HLF: variants seen among roughly 807,000 people sequenced by gnomAD.
HLF encodes hepatic leukemia factor.
In HLF, 3 loss-of-function variants were observed where a neutral mutation model predicts 22.6. The observed-to-expected ratio is 0.13, with a 90% CI of 0.06 to 0.34. The LOEUF is 0.34. HLF is among the 10% of genes least tolerant of loss of function. HLF has a pLI of 1.00. For synonymous variants in HLF, 151 were observed against 151.8 expected, an observed-to-expected ratio of 0.99 and a Z score of 0.04; for missense variants, 299 against 389.2, an observed-to-expected ratio of 0.77 and a Z score of 1.95.
chr17:55,277,496 T>C (rs568337952), intron 2 of HLF, among the ~76,000 whole-genome samples: 1 of 151,984 alleles, frequency 6.6e-6, no homozygotes, highest in South Asian at 2.1e-4. Flanking sequence ...AGTCCTGACC[T>C]TGTATTTGTG....
intron 2 of HLF, among the ~76,000 whole-genome samples, chr17:55,302,398 G>C (rs73314553): frequency 7.2e-5 from 11 of 152,324 alleles, no homozygotes; most frequent in African/African-American, 2.6e-4. Flanking sequence ...ATCTCTTTGA[G>C]AAGCTGCAGA....
intron 3 of HLF, 75 bp downstream of exon 3, chr17:55,315,522 A>T: frequency 3.7e-6 from 4 of 1,095,488 alleles, no homozygotes; most frequent in Non-Finnish European, 5.5e-6. Flanking sequence ...GGGTGACCCC[A>T]GGATGATCCC....
At chr17:55,311,835 T>A (rs1213367544) in intron 2 of HLF, among the ~76,000 whole-genome samples, 1 of 152,196 alleles carries the variant, frequency 6.6e-6, no homozygotes, top group Non-Finnish European at 1.5e-5. Flanking sequence ...TTCCTCCACC[T>A]TTTTAGAGCC....
intron 2 of HLF, chr17:55,273,640 C>G (rs1023203901): frequency 1.3e-5 from 2 of 152,318 alleles, no homozygotes; most frequent in African/African-American, 4.8e-5. Flanking sequence ...TGCCCAGTCC[C>G]CCAGCTCTCG....
intron 2 of HLF, among the ~76,000 whole-genome samples, chr17:55,303,782 C>T (rs1904409462): frequency 6.6e-6 from 1 of 152,114 alleles, no homozygotes; most frequent in Non-Finnish European, 1.5e-5. Flanking sequence ...GCAAATTCAG[C>T]GAGGGGGGTG....
intron 3 of HLF, among the ~76,000 whole-genome samples, chr17:55,316,105 C>G (rs1367178290): frequency 6.6e-6 from 1 of 152,198 alleles, no homozygotes; most frequent in Admixed American, 6.5e-5. Flanking sequence ...ATAGATTTAC[C>G]TTGGAAGTCA....
chr17:55,317,289 C>T lies in HLF; in HGVS notation c.672+1842C>T, dbSNP rs561540952. On this transcript the variant is annotated intron_variant, in intron 3 of 3. Transcript: ENST00000226067. ...GCCTTTTTTGTGTATTTTAAAGCCT[C>T]GTATCTTAAACTAAAGCCAGGGATC... Among the ~76,000 whole-genome samples the T allele has an allele frequency of 1.7e-3, 255 of 152,132 alleles. 9 individuals are homozygous for T. The South Asian group carries it at 0.048, about 29-fold the overall frequency.
At position 55,312,397 on chromosome 17, in the gene HLF, C is replaced by T. The variant is rs376638017; in HGVS notation, c.452-2830C>T. Among the ~76,000 whole-genome samples the T allele has an allele frequency of 6.6e-5, 10 of 152,292 alleles. No homozygotes were observed. In the East Asian group the frequency reaches 9.6e-4, roughly 15 times the overall value. ...AAATATAAAATGTACATGCCTCTTG[C>T]GTGAGCAGTCTCACTTCTAGAAATC... On this transcript the variant is annotated intron_variant, in intron 2 of 3. Transcript: ENST00000226067.
intron 2 of HLF, among the ~76,000 whole-genome samples, chr17:55,297,804 C>T (rs1249648106): frequency 7.7e-6 from 1 of 129,078 alleles, no homozygotes; most frequent in African/African-American, 3.1e-5. Flanking sequence ...AGCTGGAGTG[C>T]AATGGCGCGA....
intron 2 of HLF, 27 bp downstream of exon 2, chr17:55,268,113 A>T: frequency 1.4e-6 from 2 of 1,454,608 alleles, no homozygotes; most frequent in Non-Finnish European, 1.9e-6. Flanking sequence ...TTCTCCCTTC[A>T]GAAAGGGAGG....
chr17:55,286,179 A>G (rs182086665), intron 2 of HLF, among the ~76,000 whole-genome samples: 5 of 152,338 alleles, frequency 3.3e-5, no homozygotes, highest in Admixed American at 6.5e-5. Flanking sequence ...AAGGCCAGCC[A>G]TGGAAGGAAG....
intron 2 of HLF, among the ~76,000 whole-genome samples, chr17:55,276,179 A>G (rs1434270913): frequency 6.6e-6 from 1 of 152,230 alleles, no homozygotes; most frequent in African/African-American, 2.4e-5. Context: ...ATGGTCCCAG[A>G]AATAGCATCT....
chr17:55,322,415 C>A lies in HLF; in HGVS notation c.*1536C>A, dbSNP rs1294871092. 4 of 198,098 alleles carry A rather than the reference C, an allele frequency of 2.0e-5. No homozygotes were observed. Among genetic ancestry groups the A allele is most frequent in the Admixed American group, 1.8e-4 (3 of 16,514 alleles). 12.3% of individuals were successfully genotyped at this position (198,098 alleles called of 1,614,324 possible). On this transcript the variant is annotated 3_prime_UTR_variant, in exon 4 of 4. Coordinates refer to ENST00000226067, the MANE Select transcript of HLF (RefSeq NM_002126.5). ...AGAAAAGAGGAGAGGAAAACTATTC[C>A]ATGTTTTAAAATTATATAGCAAAGA...
chr17:55,311,433 G>T (rs1904823728), intron 2 of HLF, among the ~76,000 whole-genome samples: 1 of 152,118 alleles, frequency 6.6e-6, no homozygotes, highest in African/African-American at 2.4e-5. Flanking sequence ...GAATCCAGGG[G>T]GTGGAGGTTG....
rs3829579 is a variant in HLF at position 55,308,236 on chromosome 17, A to G, written c.452-6991A>G. 9.4e-4 allele frequency among the ~76,000 whole-genome samples: 143 copies of G among 152,374 alleles called. 2 individuals carry two copies. In the East Asian group the frequency reaches 0.026, roughly 28 times the overall value. On this transcript the variant is annotated intron_variant, in intron 2 of 3. Coordinates refer to ENST00000226067, the MANE Select transcript of HLF (RefSeq NM_002126.5). ...AGGGATAATGGTTAAAAGTTGCAGTAGTTCAGAGGACAGACAGTGCTGGCT... is the reference window on the plus strand; with the variant it reads ...AGGGATAATGGTTAAAAGTTGCAGTGGTTCAGAGGACAGACAGTGCTGGCT...
chr17:55,298,275 A>G (rs1184476332), intron 2 of HLF, among the ~76,000 whole-genome samples: 1 of 152,180 alleles, frequency 6.6e-6, no homozygotes, highest in Non-Finnish European at 1.5e-5. Flanking sequence ...ATGTTGGAAT[A>G]TTCTTGGTCT....
At position 55,315,506 on chromosome 17, in the gene HLF, T is replaced by G. The variant is rs2145371161; in HGVS notation, c.672+59T>G. 3.2e-6 allele frequency: 4 copies of G among 1,257,034 alleles called. No individual in the cohort carries two copies. In the East Asian group the frequency reaches 7.0e-5, roughly 22 times the overall value. The allele number at this position is 1,257,034 out of a possible 1,614,324, so 77.9% of individuals were successfully genotyped here. On this transcript the variant is annotated intron_variant, in intron 3 of 3. Transcript: ENST00000226067. ...ATGGAGAGTGGGATCCACAGACAGATTAAAAGGGTGACCCCAGGATGATCC... is the reference window on the plus strand; with the variant it reads ...ATGGAGAGTGGGATCCACAGACAGAGTAAAAGGGTGACCCCAGGATGATCC...
chr17:55,322,454 A>G lies in HLF; in HGVS notation c.*1575A>G, dbSNP rs552251884. On this transcript the variant is annotated 3_prime_UTR_variant, in exon 4 of 4. Coordinates refer to ENST00000226067, the MANE Select transcript of HLF (RefSeq NM_002126.5). The stretch of plus-strand genomic sequence containing the variant: ...ATATAGCAAAGATATATATTCACCA[A>G]TGTTGTACAGAGAAGAAGTGCTTGG... 4.9e-6 allele frequency: 1 copy of G among 205,052 alleles called. No homozygotes were observed. Among genetic ancestry groups the G allele is most frequent in the Middle Eastern group, 1.6e-3 (1 of 626 alleles). 12.7% of individuals were successfully genotyped at this position (205,052 alleles called of 1,614,324 possible). A position where few individuals can be genotyped will look rare whatever the true frequency, so the allele number is the denominator to read the frequency against.
chr17:55,283,066 C>T (rs904787981), intron 2 of HLF, among the ~76,000 whole-genome samples: 5 of 151,678 alleles, frequency 3.3e-5, no homozygotes, highest in African/African-American at 7.3e-5. Context: ...ATTGCTCCAA[C>T]GGTTGGATTT....
Sources: allele counts gnomAD v4.1 joint callset (sites outside exome capture counted in the v4.1 genomes callset), GRCh38; gene constraint gnomAD v4.1.1; transcripts MANE v1.5; gene names NCBI Gene and HGNC (gene_info 2026-07-23, HGNC 2026-07-21).